Variants in DISP3 observed in about 807,000 individuals in gnomAD.
DISP3 encodes the protein dispatched RND transporter family member 3, also known as protein dispatched homolog 3.
In DISP3, 101 loss-of-function variants were observed where a neutral mutation model predicts 135.3. That is an observed-to-expected ratio of 0.75 (90% CI 0.64 to 0.88). The LOEUF is 0.88. DISP3 is among the 40% of genes least tolerant of loss of function. The pLI, the probability that DISP3 is intolerant of heterozygous loss-of-function variation, is 0.00. For missense variants in DISP3, 1,713 were observed against 1,878.6 expected (o/e 0.91, Z 1.63); for synonymous variants, 856 against 817.0 (o/e 1.05, Z -0.81).
chr1:11,514,366 TC>T, intron 3 of DISP3, 23 bp from the exon 4 acceptor site: 3 of 1,593,800 alleles, frequency 1.9e-6, no homozygotes, highest in Non-Finnish European at 2.6e-6. Flanking sequence ...GTCATTCTTT[TC>T]TCCACGTCCT....
chr1:11,528,421 T>C (rs1642486892), intron 13 of DISP3, among the ~76,000 whole-genome samples: 2 of 152,210 alleles, frequency 1.3e-5, no homozygotes, highest in African/African-American at 4.8e-5. Context: ...AGGTCTCCTC[T>C]CTCTGCCGTT....
intron 1 of DISP3, among the ~76,000 whole-genome samples, chr1:11,484,966 G>C (rs1317248339): frequency 6.6e-6 from 1 of 152,152 alleles, no homozygotes; most frequent in Non-Finnish European, 1.5e-5. Context: ...GTGTGGGCTT[G>C]TAGAAGTGTT....
chr1:11,533,524 G>A (rs191512539), intron 17 of DISP3, among the ~76,000 whole-genome samples: 6 of 152,140 alleles, frequency 3.9e-5, no homozygotes, highest in East Asian at 3.9e-4. Flanking sequence ...CCCAAAGTGC[G>A]GGGATTATAG....
At position 11,534,418 on chromosome 1, in the gene DISP3, C is replaced by G. The variant is rs1157276083; in HGVS notation, c.3413C>G (p.Ser1138Trp). 1.2e-6 allele frequency: 2 copies of G among 1,614,242 alleles called. No individual in the cohort carries two copies. Among genetic ancestry groups the G allele is most frequent in the South Asian group, 2.2e-5 (2 of 91,082 alleles). The change falls in exon 18 of 21, where the codon TCG (serine) becomes TGG (tryptophan). Residue 1138 changes from serine to tryptophan, a missense_variant. Physicochemically the swap from Ser to Trp is radical, Grantham distance 177. Transcript: ENST00000294484. ...YKGKSSFQTY[S>W]DYLRWESFLQ... ...GGCAAATCCTCCTTCCAGACCTACTCGGACTACCTGCGCTGGGAGAGCTTC... is the reference window on the plus strand; with the variant it reads ...GGCAAATCCTCCTTCCAGACCTACTGGGACTACCTGCGCTGGGAGAGCTTC...
rs1557601565 is a variant in DISP3, at chr1:11,502,727, T to C, written c.1146T>C (p.Asp382=). The C allele has an allele frequency of 6.2e-7, 1 of 1,614,086 alleles. No homozygotes were observed. Among genetic ancestry groups the C allele is most frequent in the Non-Finnish European group, 8.5e-7 (1 of 1,180,040 alleles). ...MTHPEFYWYV[D]EGLSADNLKS... ...ACCCTGAGTTCTACTGGTATGTGGA[T>C]GAGGGCCTCTCTGCAGACAATCTGA... The change falls in exon 3 of 21, where the codon GAT becomes GAC. Residue 382 remains aspartate, a synonymous_variant. Transcript: ENST00000294484.
chr1:11,534,770 C>G, intron 18 of DISP3: 1 of 761,214 alleles, frequency 1.3e-6, no homozygotes, highest in Non-Finnish European at 2.2e-6. Context: ...TAAAAAGTAA[C>G]AGTCATGACC....
intron 10 of DISP3, among the ~76,000 whole-genome samples, chr1:11,522,744 GCCAGGACCCAGCCAGGA>G (rs1421445143): frequency 1.7e-4 from 23 of 136,266 alleles, no homozygotes; most frequent in Middle Eastern, 4.2e-3. Context: ...CCAGGGCCCA[GCCAGGACCCAGCCAGGA>G]CCCAGCCAGG....
chr1:11,526,505 G>T (rs1290221083), intron 12 of DISP3, 146 bp from the exon 13 acceptor site: 2 of 882,678 alleles, frequency 2.3e-6, no homozygotes, highest in Non-Finnish European at 3.6e-6. Context: ...GGCCTCCCAA[G>T]CCTCTGCCCA....
In DISP3 at chr1:11,516,072, A is replaced by G. The variant is rs754366814; in HGVS notation, c.1660A>G (p.Met554Val). 4 of 1,614,086 alleles carry G rather than the reference A, an allele frequency of 2.5e-6. No individual in the cohort carries two copies. The highest frequency in any genetic ancestry group is 1.7e-5 in the Admixed American group (1 of 60,020). ...ATHLEDPQLR[M>V]IHTVQTAGKA... ...CCACCTGGAAGACCCACAGCTGCGC[A>G]TGATCCACACCGTCCAAACTGCAGG... The change falls in exon 6 of 21, where the codon ATG (methionine) becomes GTG (valine). Residue 554 changes from methionine to valine, a missense_variant. Physicochemically the swap from Met to Val is conservative, Grantham distance 21. Around this residue, in one of 2 missense-constraint regions of DISP3, gnomAD observed 1,142 missense variants for 1,384.6 expected, o/e 0.82. Transcript: ENST00000294484. This position sits in a 1 kb window ranked among gnomAD's most constrained non-coding sequence, Gnocchi z 5.1.
chr1:11,535,138 G>A lies in DISP3; in HGVS notation c.3649+14G>A. 1 of 1,584,404 alleles carries A rather than the reference G, an allele frequency of 6.3e-7. No individual in the cohort carries two copies. The highest frequency in any genetic ancestry group is 8.6e-7 in the Non-Finnish European group (1 of 1,165,838). ...TCAGCATCTTGGGTACGTGGGCGAG[G>A]GGCTGGCAGGCACCCTGCTGGTAGG... On this transcript the variant is annotated intron_variant, in intron 19 of 20. Coordinates refer to ENST00000294484, the MANE Select transcript of DISP3 (RefSeq NM_020780.2).
intron 1 of DISP3, among the ~76,000 whole-genome samples, chr1:11,486,374 C>T (rs891426924): frequency 3.3e-5 from 5 of 152,150 alleles, no homozygotes; most frequent in South Asian, 2.1e-4. Flanking sequence ...TGTCAGCAGC[C>T]GGAAGAGAAC....
In DISP3 at chr1:11,491,658, C is replaced by T. The variant is rs1641186414; in HGVS notation, c.-3-9332C>T. ...CAAAACCCGGATTCCTGGGCCCCAC[C>T]TCCTCTGACCTGGAATCTGACCTAG... On this transcript the variant is annotated intron_variant, in intron 1 of 20. Transcript: ENST00000294484. This position sits in a 1 kb window ranked among gnomAD's most constrained non-coding sequence, Gnocchi z 4.3. Among the ~76,000 whole-genome samples, 1 of 152,056 alleles carries T rather than the reference C, an allele frequency of 6.6e-6. No individual in the cohort carries two copies. The highest frequency in any genetic ancestry group is 2.4e-5 in the African/African-American group (1 of 41,402).
chr1:11,531,666 G>A lies in DISP3; in HGVS notation c.3331G>A (p.Val1111Ile), dbSNP rs778219429. The stretch of plus-strand genomic sequence containing the variant: ...GCAGCTGTCCCACGGGGCAGTGGGC[G>A]TCAGGGAGGGCCGCGTGCAGTGGAT... ...PGQLSHGAVG[V>I]REGRVQWISM... Residue 1111 changes from valine to isoleucine, a missense_variant, in exon 17 of 21, where the codon GTC becomes ATC. Physicochemically the swap from Val to Ile is conservative, Grantham distance 29. This residue lies in a region of DISP3 where 1,142 missense variants were observed against 1,384.6 expected (regional missense o/e 0.82). Transcript: ENST00000294484. The surrounding 1 kb of genome is among the most constrained non-coding windows in gnomAD (Gnocchi z 5.2). 31 of 1,612,356 alleles carry A rather than the reference G, an allele frequency of 1.9e-5. No homozygotes were observed. Among genetic ancestry groups the A allele is most frequent in the Non-Finnish European group, 2.2e-5 (26 of 1,179,482 alleles).
chr1:11,535,191 C>T (rs1642675809), intron 19 of DISP3, 67 bp downstream of exon 19: 3 of 1,420,006 alleles, frequency 2.1e-6, no homozygotes, highest in Non-Finnish European at 2.9e-6. Context: ...TCCCCGGTGG[C>T]CCCAGGTAGC....
chr1:11,488,635 C>CTGTG (rs1491192088), intron 1 of DISP3, among the ~76,000 whole-genome samples: 6 of 83,878 alleles, frequency 7.2e-5, no homozygotes, highest in Non-Finnish European at 9.6e-5. Flanking sequence ...AGGGCAGATG[C>CTGTG]TCTGTGTGTG....
chr1:11,518,168 G>T (rs1314991947), intron 7 of DISP3, among the ~76,000 whole-genome samples: 2 of 152,180 alleles, frequency 1.3e-5, no homozygotes, highest in African/African-American at 4.8e-5. Context: ...GGCCTGGGTG[G>T]CTGCCTGGGG....
intron 4 of DISP3, 29 bp downstream of exon 4, chr1:11,514,555 C>T: frequency 6.2e-7 from 1 of 1,606,668 alleles, no homozygotes; most frequent in Admixed American, 1.7e-5. Flanking sequence ...CAGCCCCCTC[C>T]TCCCCTCCCA....
chr1:11,487,270 A>T (rs1266416639), intron 1 of DISP3, among the ~76,000 whole-genome samples: 1 of 152,042 alleles, frequency 6.6e-6, no homozygotes, highest in Admixed American at 6.5e-5. Flanking sequence ...GAGCCTGGGG[A>T]GGGGGAGAGG....
At chr1:11,527,419 C>G (rs531540867) in intron 13 of DISP3, among the ~76,000 whole-genome samples, 41 of 152,154 alleles carry the variant, frequency 2.7e-4, no homozygotes, top group Middle Eastern at 3.4e-3. Flanking sequence ...CATGGTGGCA[C>G]GCACCTGTAA....
Sources: allele counts gnomAD v4.1 joint callset (sites outside exome capture counted in the v4.1 genomes callset), GRCh38; gene constraint gnomAD v4.1.1; regional missense constraint gnomAD v4.1.1; non-coding constraint Gnocchi (gnomAD v3.1); transcripts MANE v1.5; gene names NCBI Gene and HGNC (gene_info 2026-07-23, HGNC 2026-07-21).